The following LINGO2 variants were observed in gnomAD, a reference collection of about 807,000 sequenced individuals.
LINGO2 encodes leucine rich repeat and Ig domain containing 2.
A neutral mutation model predicts 30.6 loss-of-function variants in LINGO2; 14 were observed. The observed-to-expected ratio is 0.46, with a 90% CI of 0.30 to 0.72. The LOEUF (loss-of-function observed/expected upper bound fraction) is 0.72, where lower values mean the gene tolerates loss of function less well. Among genes scored for constraint, LINGO2 ranks in the 30% least tolerant of loss-of-function variants. The probability of loss-of-function intolerance (pLI) is 0.07; values close to 1 mark genes in which losing one functional copy is unlikely to be tolerated. For synonymous variants in LINGO2, 317 were observed against 288.5 expected (o/e 1.10, Z -1.00); for missense variants, 729 against 751.7 (o/e 0.97, Z 0.35).
chr9:28,219,050 T>A (rs7875067), intron 4 of LINGO2, among the ~76,000 whole-genome samples: 130,228 of 152,090 alleles, frequency 0.86, 56,004 homozygotes, highest in Non-Finnish European at 0.9. Context: ...ATGCAGGCAG[T>A]CACCCAGTTT....
the LINGO2 span, among the ~76,000 whole-genome samples, chr9:29,136,240 C>T: frequency 6.6e-6 from 1 of 152,150 alleles, no homozygotes; most frequent in Non-Finnish European, 1.5e-5. Flanking sequence ...TTTTCAACTT[C>T]TTTCTGATGG....
At chr9:29,020,863 T>C in the LINGO2 span, among the ~76,000 whole-genome samples, 3 of 152,136 alleles carry the variant, frequency 2.0e-5, no homozygotes, top group African/African-American at 4.8e-5. Flanking sequence ...AAGGAAAATA[T>C]GGTTGCAACA....
At chr9:28,462,674 T>C (rs529000132) in intron 2 of LINGO2, among the ~76,000 whole-genome samples, 2 of 152,202 alleles carry the variant, frequency 1.3e-5, no homozygotes, top group East Asian at 3.9e-4. Context: ...TAATTCTTGC[T>C]CACACTCATA....
the LINGO2 span, among the ~76,000 whole-genome samples, chr9:28,727,977 G>T: frequency 2.0e-5 from 3 of 152,142 alleles, no homozygotes; most frequent in South Asian, 6.2e-4. Flanking sequence ...AGGGCCATGG[G>T]ATCTCAACAG....
intron 2 of LINGO2, among the ~76,000 whole-genome samples, chr9:28,418,116 T>C (rs17821779): frequency 0.34 from 51,283 of 151,888 alleles, 9,186 homozygotes; most frequent in Admixed American, 0.39. Flanking sequence ...ACTCCTTCAA[T>C]AATTTATTTA....
intron 4 of LINGO2, among the ~76,000 whole-genome samples, chr9:28,125,498 C>T (rs1827211295): frequency 1.3e-5 from 2 of 152,262 alleles, no homozygotes; most frequent in African/African-American, 4.8e-5. Context: ...GAATTTTCTG[C>T]CCAAATGCTG....
chr9:28,769,961 T>G, the LINGO2 span, among the ~76,000 whole-genome samples: 1 of 152,056 alleles, frequency 6.6e-6, no homozygotes, highest in Admixed American at 6.6e-5. Flanking sequence ...CTTCACAAAG[T>G]TCTCTCTTCT....
the LINGO2 span, among the ~76,000 whole-genome samples, chr9:28,997,827 A>AAAAAAC: frequency 1.6e-5 from 2 of 124,320 alleles, no homozygotes; most frequent in Non-Finnish European, 3.3e-5. Context: ...TGTCTCAAAA[A>AAAAAAC]AAAACAAAAC....
the LINGO2 span, among the ~76,000 whole-genome samples, chr9:28,865,616 A>G: frequency 6.6e-6 from 1 of 152,116 alleles, no homozygotes; most frequent in African/African-American, 2.4e-5. Context: ...CACCGTCTCT[A>G]CTAGAAAAAT....
At chr9:29,045,212 A>G in the LINGO2 span, among the ~76,000 whole-genome samples, 1 of 152,120 alleles carries the variant, frequency 6.6e-6, no homozygotes, top group Non-Finnish European at 1.5e-5. Flanking sequence ...GCTACTCAGA[A>G]AAGCAGGCAA....
chr9:27,957,852 TTCTTA>T (rs1296068201), intron 5 of LINGO2, among the ~76,000 whole-genome samples: 17 of 152,318 alleles, frequency 1.1e-4, no homozygotes, highest in African/African-American at 2.2e-4. Flanking sequence ...TTGTACGAGC[TTCTTA>T]TCTTTAGGTA....
chr9:28,878,344 C>T, the LINGO2 span, among the ~76,000 whole-genome samples: 4 of 152,036 alleles, frequency 2.6e-5, no homozygotes, highest in African/African-American at 7.2e-5. Flanking sequence ...AGGCAATATT[C>T]AATAGCTTAC....
the LINGO2 span, among the ~76,000 whole-genome samples, chr9:28,755,063 G>A: frequency 9.9e-5 from 15 of 151,992 alleles, no homozygotes; most frequent in African/African-American, 3.4e-4. Flanking sequence ...TAAGAAAAAT[G>A]GCAATATGCC....
At chr9:28,193,338 C>T (rs1819888797) in intron 4 of LINGO2, among the ~76,000 whole-genome samples, 1 of 152,008 alleles carries the variant, frequency 6.6e-6, no homozygotes, top group South Asian at 2.1e-4. Context: ...TCACATATAT[C>T]TTGCTGGTGG....
intron 4 of LINGO2, among the ~76,000 whole-genome samples, chr9:28,195,317 C>T (rs1819971009): frequency 6.6e-6 from 1 of 151,332 alleles, no homozygotes; most frequent in Admixed American, 6.6e-5. Flanking sequence ...TTATATTTTG[C>T]CATCTCACTA....
the LINGO2 span, among the ~76,000 whole-genome samples, chr9:28,721,515 T>C: frequency 1.3e-5 from 2 of 152,132 alleles, no homozygotes; most frequent in Admixed American, 6.6e-5. Context: ...TGCAGGAACA[T>C]GGATGAAGCT....
chr9:28,596,310 G>C (rs891859461), intron 1 of LINGO2, among the ~76,000 whole-genome samples: 1 of 152,104 alleles, frequency 6.6e-6, no homozygotes, highest in Non-Finnish European at 1.5e-5. Context: ...AAGTGACTTA[G>C]TCTATTCAAT....
chr9:28,559,587 T>G (rs1291779280), intron 1 of LINGO2, among the ~76,000 whole-genome samples: 1 of 152,148 alleles, frequency 6.6e-6, no homozygotes, highest in Non-Finnish European at 1.5e-5. Context: ...ATCTATTTTC[T>G]TGACCAAACA....
the LINGO2 span, among the ~76,000 whole-genome samples, chr9:28,851,151 A>G: frequency 6.6e-6 from 1 of 152,068 alleles, no homozygotes; most frequent in Non-Finnish European, 1.5e-5. Context: ...TACTTCTATA[A>G]CAAGTTACAA....
Sources: gnomAD v4.1 joint callset for allele counts (sites outside exome capture counted in the v4.1 genomes callset) on GRCh38, gnomAD v4.1.1 for gene constraint, MANE v1.5 for transcripts, NCBI Gene and HGNC (gene_info 2026-07-23, HGNC 2026-07-21) for gene names.